FBXO4: variants seen among roughly 807,000 people sequenced by gnomAD.
FBXO4 encodes F-box only protein 4.
In FBXO4, 36 loss-of-function variants were observed where a neutral mutation model predicts 43.7. The observed-to-expected ratio is 0.82, with a 90% CI of 0.63 to 1.09. FBXO4 has a LOEUF of 1.09. Ranked by LOEUF, FBXO4 falls within the 50% of genes least tolerant of loss-of-function variation. The probability of loss-of-function intolerance (pLI) is 0.00; values close to 1 mark genes in which losing one functional copy is unlikely to be tolerated. For missense variants in FBXO4, 435 were observed against 474.1 expected, an observed-to-expected ratio of 0.92 and a Z score of 0.77; for synonymous variants, 180 against 165.6, an observed-to-expected ratio of 1.09 and a Z score of -0.67.
At chr5:41,993,270 T>G in the FBXO4 span, among the ~76,000 whole-genome samples, 1 of 152,176 alleles carries the variant, frequency 6.6e-6, no homozygotes, top group African/African-American at 2.4e-5. Context: ...ATTCCCTTTT[T>G]ATATTTCTGC....
At chr5:42,032,798 C>T in the FBXO4 span, among the ~76,000 whole-genome samples, 1 of 152,130 alleles carries the variant, frequency 6.6e-6, no homozygotes, top group Admixed American at 6.6e-5. Flanking sequence ...TTTCAAGCAA[C>T]AGGAGTTTTA....
At chr5:41,986,727 A>G in the FBXO4 span, among the ~76,000 whole-genome samples, 1 of 152,122 alleles carries the variant, frequency 6.6e-6, no homozygotes, top group African/African-American at 2.4e-5. Context: ...TGATATTATT[A>G]CCTCTCAGAA....
At chr5:41,954,951 A>T in the FBXO4 span, among the ~76,000 whole-genome samples, 4 of 152,218 alleles carry the variant, frequency 2.6e-5, no homozygotes, top group African/African-American at 7.2e-5. Context: ...AAAAACTATA[A>T]TTCAAAAATT....
At chr5:41,977,982 G>C in the FBXO4 span, among the ~76,000 whole-genome samples, 1 of 152,074 alleles carries the variant, frequency 6.6e-6, no homozygotes, top group African/African-American at 2.4e-5. Context: ...TTACAACTGG[G>C]TCATTTATAA....
At chr5:42,011,417 A>G in the FBXO4 span, among the ~76,000 whole-genome samples, 1 of 152,218 alleles carries the variant, frequency 6.6e-6, no homozygotes, top group Non-Finnish European at 1.5e-5. Flanking sequence ...GGCCCTCACC[A>G]GATGTGGCTG....
the FBXO4 span, among the ~76,000 whole-genome samples, chr5:41,956,931 C>T: frequency 2.6e-5 from 4 of 151,990 alleles, no homozygotes; most frequent in South Asian, 4.2e-4. Context: ...AGGCTGGTCT[C>T]GAACTCCTGA....
chr5:41,998,595 T>A, the FBXO4 span, among the ~76,000 whole-genome samples: 1 of 152,186 alleles, frequency 6.6e-6, no homozygotes, highest in Non-Finnish European at 1.5e-5. Context: ...GCAGAGTCCC[T>A]ACTTAGTGGG....
chr5:42,020,490 GTGAT>G, the FBXO4 span, among the ~76,000 whole-genome samples: 1 of 152,184 alleles, frequency 6.6e-6, no homozygotes, highest in Non-Finnish European at 1.5e-5. Context: ...ATGTTTATCT[GTGAT>G]TACCAGAAAA....
chr5:42,009,039 A>T, the FBXO4 span, among the ~76,000 whole-genome samples: 1 of 152,162 alleles, frequency 6.6e-6, no homozygotes, highest in African/African-American at 2.4e-5. Flanking sequence ...AAGTTTTTAA[A>T]GCACATAGGC....
the FBXO4 span, among the ~76,000 whole-genome samples, chr5:42,002,439 A>C: frequency 6.6e-6 from 1 of 152,230 alleles, no homozygotes; most frequent in African/African-American, 2.4e-5. Context: ...TTGAAGACTC[A>C]ATCATATACC....
At chr5:41,943,343 G>C (rs1579990144), downstream of FBXO4, among the ~76,000 whole-genome samples, 2 of 152,232 alleles carry the variant, frequency 1.3e-5, no homozygotes, top group East Asian at 3.9e-4. Flanking sequence ...AGTTGAGAAT[G>C]ACCTAACCCA....
chr5:41,935,901 G>C (rs1360225555), intron 5 of FBXO4, among the ~76,000 whole-genome samples: 1 of 152,240 alleles, frequency 6.6e-6, no homozygotes, highest in East Asian at 1.9e-4. Flanking sequence ...GTACTCCAGT[G>C]CTGTTACTGA....
At chr5:42,018,344 T>C in the FBXO4 span, among the ~76,000 whole-genome samples, 1 of 151,854 alleles carries the variant, frequency 6.6e-6, no homozygotes, top group African/African-American at 2.4e-5. Flanking sequence ...AAACCAGTCA[T>C]GAATGGCACA....
the FBXO4 span, among the ~76,000 whole-genome samples, chr5:41,981,402 TAA>T: frequency 6.9e-6 from 1 of 145,104 alleles, no homozygotes; most frequent in African/African-American, 2.5e-5. Context: ...AATGGTAAAT[TAA>T]AAAAAAAAAC....
At chr5:41,970,957 A>G in the FBXO4 span, among the ~76,000 whole-genome samples, 1 of 152,034 alleles carries the variant, frequency 6.6e-6, no homozygotes, top group Non-Finnish European at 1.5e-5. Context: ...TATGAAAAAG[A>G]GATTGTAATC....
At chr5:41,992,837 T>G in the FBXO4 span, among the ~76,000 whole-genome samples, 1 of 152,244 alleles carries the variant, frequency 6.6e-6, no homozygotes, top group Non-Finnish European at 1.5e-5. Flanking sequence ...GTATGCTGCC[T>G]TATTCTTTCT....
At chr5:42,029,905 T>C in the FBXO4 span, among the ~76,000 whole-genome samples, 1 of 152,064 alleles carries the variant, frequency 6.6e-6, no homozygotes, top group South Asian at 2.1e-4. Flanking sequence ...ACACAGATAT[T>C]TCTAATTCTC....
chr5:41,927,327 A>T, intron 2 of FBXO4, 79 bp downstream of exon 2: 1 of 1,030,060 alleles, frequency 9.7e-7, no homozygotes, highest in Admixed American at 2.6e-5. Flanking sequence ...GTTAATCCTG[A>T]CCCTGCTACT....
At chr5:41,991,621 G>A in the FBXO4 span, among the ~76,000 whole-genome samples, 1 of 152,132 alleles carries the variant, frequency 6.6e-6, no homozygotes, top group Non-Finnish European at 1.5e-5. Context: ...TTGGACTCTG[G>A]TATATTTCCA....
Sources: allele counts gnomAD v4.1 joint callset (sites outside exome capture counted in the v4.1 genomes callset), GRCh38; gene constraint gnomAD v4.1.1; transcripts MANE v1.5; gene names NCBI Gene and HGNC (gene_info 2026-07-23, HGNC 2026-07-21).